The following ZNF75A variants were observed in gnomAD, a reference collection of about 807,000 sequenced individuals.
ZNF75A encodes the protein zinc finger protein 75A.
Under a neutral mutation model 46.3 loss-of-function variants are expected in ZNF75A, and 36 were observed. The observed-to-expected ratio is 0.78, with a 90% CI of 0.60 to 1.03. The LOEUF (loss-of-function observed/expected upper bound fraction) is 1.03. ZNF75A is among the 50% of genes least tolerant of loss of function. The pLI, the probability that ZNF75A is intolerant of heterozygous loss-of-function variation, is 0.00. For synonymous variants in ZNF75A, 234 were observed against 189.9 expected (o/e 1.23, Z -1.91); for missense variants, 595 against 551.3 (o/e 1.08, Z -0.79).
chr16:3,317,111 T>G, intron 6 of ZNF75A, 79 bp from the exon 7 acceptor site: 1 of 1,528,742 alleles, frequency 6.5e-7, no homozygotes, highest in Non-Finnish European at 8.9e-7. Flanking sequence ...CTTTTTTTTT[T>G]AATCATTGAA....
chr16:3,314,841 G>A (rs2150821645), intron 5 of ZNF75A: 1 of 985,404 alleles, frequency 1.0e-6, no homozygotes, highest in South Asian at 4.7e-5. Flanking sequence ...ATGATGTAAT[G>A]CAGGAAAACT....
Position 3,318,496 on chromosome 16 carries a change from G to A in ZNF75A, c.*627G>A, listed in dbSNP as rs185998147. ...AGACATCTCTAATGGAATCATGGGG[G>A]AAACGGGTTGGAATTTGTAGCCATG... is the stretch of plus-strand genomic sequence containing the variant. On this transcript the variant is annotated 3_prime_UTR_variant, in exon 7 of 7. Transcript: ENST00000669516. 2.3e-4 allele frequency: 229 copies of A among 985,378 alleles called. No individual in the cohort carries two copies. The African/African-American group carries it at 3.9e-3, about 17-fold the overall frequency. The allele number at this position is 985,378 out of a possible 1,614,324, so 61.0% of individuals were successfully genotyped here. A position where few individuals can be genotyped will look rare whatever the true frequency, so the allele number is the denominator to read the frequency against.
In ZNF75A at chr16:3,308,616, G is replaced by A. The variant is rs540570558; in HGVS notation, c.188G>A (p.Arg63His). 1.8e-4 allele frequency: 178 copies of A among 986,330 alleles called. No homozygotes were observed. In the South Asian group the frequency reaches 6.4e-3, roughly 35 times the overall value. 61.1% of individuals were successfully genotyped at this position (986,330 alleles called of 1,614,324 possible). ...ACCTATGATGAAGCAGGTGGACCCC[G>A]TGAGGCTGTCAGCAAACTTCAAGAA... Reference protein sequence around the residue: ...NFTYDEAGGPREAVSKLQELC... With the variant: ...NFTYDEAGGPHEAVSKLQELC... The change falls in exon 2 of 7, where the codon CGT becomes CAT. Residue 63 changes from arginine (R) to histidine (H), a missense_variant. Coordinates refer to ENST00000669516, the MANE Select transcript of ZNF75A (RefSeq NM_001302109.2).
downstream of ZNF75A, among the ~76,000 whole-genome samples, chr16:3,320,409 C>A (rs532947432): frequency 4.6e-5 from 7 of 152,328 alleles, no homozygotes; most frequent in South Asian, 1.2e-3. Flanking sequence ...TGCTGGAGCT[C>A]TGGACCTTTC....
chr16:3,311,783 G>A lies in ZNF75A; in HGVS notation c.439G>A (p.Val147Met). ...AGTCCATGAGCTGGGAAAGGAGGCA[G>A]TGCTCTTGGGAGAAACAGCAGAGGC... ...VAVHELGKEAVLLGETAEASS... is the reference protein window; with the variant it reads ...VAVHELGKEAMLLGETAEASS... The change falls in exon 3 of 7, where the codon GTG becomes ATG. Residue 147 changes from valine to methionine, a missense_variant. Transcript: ENST00000669516. 9.5e-7 allele frequency: 1 copy of A among 1,050,552 alleles called. No individual in the cohort carries two copies. Among genetic ancestry groups the A allele is most frequent in the Non-Finnish European group, 1.2e-6 (1 of 863,010 alleles). 65.1% of individuals were successfully genotyped at this position (1,050,552 alleles called of 1,614,324 possible).
At chr16:3,315,070 G>C (rs114042533) in intron 5 of ZNF75A, 3 of 985,008 alleles carry the variant, frequency 3.0e-6, no homozygotes, top group African/African-American at 3.5e-5. Flanking sequence ...CTTGTCCTAC[G>C]TGGAGATCTT....
chr16:3,314,186 C>T (rs1465689490), intron 5 of ZNF75A, among the ~76,000 whole-genome samples: 1 of 152,110 alleles, frequency 6.6e-6, no homozygotes, highest in African/African-American at 2.4e-5. Flanking sequence ...GGTTACCATA[C>T]ACACTCTTAA....
In ZNF75A at chr16:3,317,691, C is replaced by T. The variant is rs1199495919; in HGVS notation, c.1436C>T (p.Thr479Ile). 4 of 1,614,188 alleles carry T rather than the reference C, an allele frequency of 2.5e-6. No individual in the cohort carries two copies. The highest frequency in any genetic ancestry group is 3.4e-6 in the Non-Finnish European group (4 of 1,180,034). ...QNTNLHTHQR[T>I]HTGEKPFTCH... ...ACAAATTTACATACACACCAAAGAA[C>T]TCATACAGGAGAAAAGCCCTTCACA... Residue 479 changes from threonine to isoleucine, a missense_variant, in exon 7 of 7, where the codon ACT (threonine) becomes ATT (isoleucine). Transcript: ENST00000669516.
rs1387290026 is a variant in ZNF75A at position 3,316,974 on chromosome 16, G to T, written c.886G>T (p.Val296Phe). The change falls in exon 6 of 7, where the codon GTT (valine) becomes TTT (phenylalanine). Residue 296 changes from valine to phenylalanine, a missense_variant. By Grantham distance (50) the Val-to-Phe change is conservative. Coordinates refer to ENST00000669516, the MANE Select transcript of ZNF75A (RefSeq NM_001302109.2). Reference protein sequence around the residue: ...SCLEQGEEPWVQVSPEFKDSA... With the variant: ...SCLEQGEEPWFQVSPEFKDSA... The stretch of plus-strand genomic sequence containing the variant: ...TCTAGAGCAAGGGGAAGAGCCATGG[G>T]TTCAAGTATCCCCGGAGTTTAAGGA... 3.7e-6 allele frequency: 6 copies of T among 1,614,058 alleles called. No homozygotes were observed. Among genetic ancestry groups the T allele is most frequent in the Middle Eastern group, 1.6e-4 (1 of 6,062 alleles).
At chr16:3,318,879 TCTA>T, downstream of ZNF75A, 1 of 971,894 alleles carries the variant, frequency 1.0e-6, no homozygotes, top group Non-Finnish European at 1.2e-6. Flanking sequence ...GATGAGCAAA[TCTA>T]CATCCATGTT....
intron 4 of ZNF75A, 96 bp from the exon 5 acceptor site, chr16:3,312,953 T>G (rs37840): frequency 1 from 1,426,265 of 1,431,674 alleles, 710,606 homozygotes; most frequent in East Asian, 1. Flanking sequence ...ATCATGTTCT[T>G]TTAATTCCTT....
chr16:3,316,448 G>C (rs549119842), intron 5 of ZNF75A: 1 of 152,440 alleles, frequency 6.6e-6, no homozygotes, highest in African/African-American at 2.4e-5. Context: ...AAGGAATAAA[G>C]GCTAAATAAA....
Position 3,308,691 on chromosome 16 carries a change from T to G in ZNF75A, c.263T>G (p.Leu88Arg). 1 of 992,914 alleles carries G rather than the reference T, an allele frequency of 1.0e-6. No individual in the cohort carries two copies. The highest frequency in any genetic ancestry group is 1.2e-6 in the Non-Finnish European group (1 of 833,310). The allele number at this position is 992,914 out of a possible 1,614,324, so 61.5% of individuals were successfully genotyped here. The change falls in exon 2 of 7, where the codon CTG becomes CGG. Residue 88 changes from leucine to arginine, a missense_variant. By Grantham distance (102) the Leu-to-Arg change is moderately radical. Transcript: ENST00000669516. ...KPEIHSKEQILELLVLEQFLT... is the reference protein window; with the variant it reads ...KPEIHSKEQIRELLVLEQFLT... ...GAGATCCACTCAAAAGAGCAGATACTGGAACTGCTGGTGCTGGAGCAGTTC... is the reference window on the plus strand; with the variant it reads ...GAGATCCACTCAAAAGAGCAGATACGGGAACTGCTGGTGCTGGAGCAGTTC...
In ZNF75A at chr16:3,318,089, C is replaced by T; in HGVS notation, c.*220C>T. The T allele has an allele frequency of 5.3e-6, 7 of 1,314,722 alleles. No homozygotes were observed. The highest frequency in any genetic ancestry group is 6.8e-6 in the Non-Finnish European group (7 of 1,035,964). The allele number at this position is 1,314,722 out of a possible 1,614,324, so 81.4% of individuals were successfully genotyped here. On this transcript the variant is annotated 3_prime_UTR_variant, in exon 7 of 7. Transcript: ENST00000669516. Reference sequence around the variant, plus strand: ...ATTGTTGGCTTTGTATTGATCTCTCCAGTCATTTTTGAACACATCCAATAG... The same window carrying T: ...ATTGTTGGCTTTGTATTGATCTCTCTAGTCATTTTTGAACACATCCAATAG...
chr16:3,318,174 AC>A lies in ZNF75A; in HGVS notation c.*307del. Reference sequence around the variant, plus strand: ...CAGTAACATGCATGTTTAATTGCATACCATTCTCTTCACAGTAGCAGGCTTA... The same window carrying A: ...CAGTAACATGCATGTTTAATTGCATACATTCTCTTCACAGTAGCAGGCTTA... On this transcript the variant is annotated 3_prime_UTR_variant, in exon 7 of 7. Coordinates refer to ENST00000669516, the MANE Select transcript of ZNF75A (RefSeq NM_001302109.2). 1 of 1,098,368 alleles carries A rather than the reference AC, an allele frequency of 9.1e-7. No individual in the cohort carries two copies. The highest frequency in any genetic ancestry group is 1.1e-6 in the Non-Finnish European group (1 of 902,612). The allele number at this position is 1,098,368 out of a possible 1,614,324, so 68.0% of individuals were successfully genotyped here. A position where few individuals can be genotyped will look rare whatever the true frequency, so the allele number is the denominator to read the frequency against.
At chr16:3,313,750 A>G (rs998622633) in intron 5 of ZNF75A, among the ~76,000 whole-genome samples, 4 of 152,096 alleles carry the variant, frequency 2.6e-5, no homozygotes, top group African/African-American at 9.7e-5. Flanking sequence ...AGATCATGAC[A>G]TTTCCTTTCC....
Position 3,308,446 on chromosome 16 carries a change from G to T in ZNF75A, c.18G>T (p.Leu6=). The change falls in exon 2 of 7, where the codon CTG becomes CTT. Residue 6 remains leucine (L), a synonymous_variant. Coordinates refer to ENST00000669516, the MANE Select transcript of ZNF75A (RefSeq NM_001302109.2). ...AGAGCAGAATGATGATGGTAGATCT[G>T]AAAGTGGCTGCGTACTTGGACCCTC... MMMVD[L]KVAAYLDPQI... is the part of the protein sequence containing the mutation. The T allele has an allele frequency of 1.0e-6, 1 of 985,866 alleles. No homozygotes were observed. Among genetic ancestry groups the T allele is most frequent in the Non-Finnish European group, 1.2e-6 (1 of 829,962 alleles). The allele number at this position is 985,866 out of a possible 1,614,324, so 61.1% of individuals were successfully genotyped here. A position where few individuals can be genotyped will look rare whatever the true frequency, so the allele number is the denominator to read the frequency against.
intron 2 of ZNF75A, 83 bp downstream of exon 2, chr16:3,308,919 T>G (rs914003586): frequency 9.1e-6 from 8 of 878,010 alleles, no homozygotes; most frequent in Non-Finnish European, 1.1e-5. Flanking sequence ...GTTGAGAAAT[T>G]AGATGGATTA....
chr16:3,315,331 A>G (rs963209592), intron 5 of ZNF75A, among the ~76,000 whole-genome samples: 10 of 151,590 alleles, frequency 6.6e-5, no homozygotes, highest in African/African-American at 2.4e-4. Context: ...AGCTGAGACT[A>G]CAGGTGCCCG....
Sources: allele counts gnomAD v4.1 joint callset (sites outside exome capture counted in the v4.1 genomes callset), GRCh38; gene constraint gnomAD v4.1.1; transcripts MANE v1.5; gene names NCBI Gene and HGNC (gene_info 2026-07-23, HGNC 2026-07-21).